SCN8A: variants seen among roughly 807,000 people sequenced by gnomAD.
SCN8A encodes sodium voltage-gated channel alpha subunit 8, also known as sodium channel protein type 8 subunit alpha.
Under a neutral mutation model 184.1 loss-of-function variants are expected in SCN8A, and 30 were observed. The ratio of observed to expected loss-of-function variants is 0.16; its 90% confidence interval spans 0.12 to 0.22. The LOEUF (loss-of-function observed/expected upper bound fraction) is 0.22. Among genes scored for constraint, SCN8A ranks in the 10% least tolerant of loss-of-function variants. The pLI is 1.00. For missense variants in SCN8A, 1,057 were observed against 2,498.9 expected (o/e 0.42, Z 12.30); for synonymous variants, 852 against 907.0 (o/e 0.94, Z 1.09).
chr12:51,636,966 T>G (rs1177426691), intron 1 of SCN8A, among the ~76,000 whole-genome samples: 1 of 152,262 alleles, frequency 6.6e-6, no homozygotes, highest in African/African-American at 2.4e-5. Flanking sequence ...CTGCATTGAT[T>G]GAGCAAGTCT....
At chr12:51,736,295 A>C (rs1942324929) in intron 12 of SCN8A, among the ~76,000 whole-genome samples, 1 of 152,244 alleles carries the variant, frequency 6.6e-6, no homozygotes, top group Non-Finnish European at 1.5e-5. Context: ...ACACGGGCAG[A>C]AGACTCTTCT....
intron 14 of SCN8A, among the ~76,000 whole-genome samples, chr12:51,757,178 C>T (rs1181295128): frequency 6.6e-6 from 1 of 152,214 alleles, no homozygotes; most frequent in Non-Finnish European, 1.5e-5. Context: ...CAGTCCTTGT[C>T]AACAGGTACG....
intron 2 of SCN8A, among the ~76,000 whole-genome samples, chr12:51,680,460 A>C (rs1941311004): frequency 6.6e-6 from 1 of 152,194 alleles, no homozygotes; most frequent in Non-Finnish European, 1.5e-5. Context: ...TCTTCAACCA[A>C]GGTGTAACAG....
At chr12:51,699,204 A>C (rs1485825450) in intron 6 of SCN8A, among the ~76,000 whole-genome samples, 1 of 152,206 alleles carries the variant, frequency 6.6e-6, no homozygotes, top group Non-Finnish European at 1.5e-5. Context: ...ACAAGATAAT[A>C]TAGCAGGGAG....
chr12:51,607,962 C>T (rs1344913021), intron 1 of SCN8A, among the ~76,000 whole-genome samples: 1 of 151,156 alleles, frequency 6.6e-6, no homozygotes, highest in African/African-American at 2.4e-5. Flanking sequence ...AGGGAGGGTT[C>T]CTTCTTTCTC....
At chr12:51,661,661 A>C (rs1940927723) in intron 1 of SCN8A, among the ~76,000 whole-genome samples, 1 of 152,226 alleles carries the variant, frequency 6.6e-6, no homozygotes, top group African/African-American at 2.4e-5. Flanking sequence ...GGTGTTCACA[A>C]AACTAAAGAG....
intron 1 of SCN8A, among the ~76,000 whole-genome samples, chr12:51,655,456 A>C (rs138815034): frequency 9.4e-4 from 143 of 151,622 alleles, no homozygotes; most frequent in African/African-American, 3.4e-3. Flanking sequence ...ATCATGGTTC[A>C]CTGTAGCTTC....
At chr12:51,774,424 C>G in intron 20 of SCN8A, 62 bp downstream of exon 20, 1 of 1,496,836 alleles carries the variant, frequency 6.7e-7, no homozygotes, top group South Asian at 1.4e-5. Flanking sequence ...AGGGGTCTCT[C>G]TTTTTCTAAT....
intron 5 of SCN8A, among the ~76,000 whole-genome samples, 198 bp downstream of exon 5, chr12:51,687,417 A>C (rs375325746): frequency 4.6e-5 from 7 of 151,982 alleles, no homozygotes; most frequent in African/African-American, 7.3e-5. Flanking sequence ...TGATAATGTG[A>C]TTATGTGGGA....
intron 2 of SCN8A, among the ~76,000 whole-genome samples, chr12:51,679,135 A>C (rs2138699160): frequency 6.6e-6 from 1 of 151,928 alleles, no homozygotes; most frequent in East Asian, 1.9e-4. Context: ...AGTGGCTCAC[A>C]GCTATAATCA....
At chr12:51,728,976 T>A (rs1227643179) in intron 12 of SCN8A, among the ~76,000 whole-genome samples, 1 of 152,134 alleles carries the variant, frequency 6.6e-6, no homozygotes, top group Non-Finnish European at 1.5e-5. Flanking sequence ...TCTTTGCCAC[T>A]CCTCTGCCTG....
At chr12:51,631,037 C>A (rs1427880362) in intron 1 of SCN8A, among the ~76,000 whole-genome samples, 1 of 152,176 alleles carries the variant, frequency 6.6e-6, no homozygotes, top group Non-Finnish European at 1.5e-5. Context: ...TCCTGAGGTC[C>A]CATCATCAAG....
At chr12:51,721,106 T>TATATATATATATATATAAAA (rs1179556945) in intron 11 of SCN8A, among the ~76,000 whole-genome samples, 2 of 106,132 alleles carry the variant, frequency 1.9e-5, no homozygotes, top group African/African-American at 7.8e-5. Context: ...TATATATATA[T>TATATATATATATATATAAAA]AATATTTATT....
chr12:51,690,560 A>G (rs1027200117), intron 6 of SCN8A, among the ~76,000 whole-genome samples: 1 of 151,672 alleles, frequency 6.6e-6, no homozygotes, highest in Non-Finnish European at 1.5e-5. Flanking sequence ...GGGTCTCCCT[A>G]TGTGTTGCCC....
chr12:51,799,459 C>T (rs1002618525), intron 26 of SCN8A, among the ~76,000 whole-genome samples: 2 of 152,120 alleles, frequency 1.3e-5, no homozygotes, highest in African/African-American at 4.8e-5. Flanking sequence ...CCTCAAAAGG[C>T]GAGTAGTTAT....
chr12:51,724,331 C>T (rs1026388497), intron 12 of SCN8A, among the ~76,000 whole-genome samples: 3 of 152,026 alleles, frequency 2.0e-5, no homozygotes, highest in Non-Finnish European at 2.9e-5. Flanking sequence ...CCTATAATCT[C>T]GGCTACTTGG....
In SCN8A at chr12:51,612,635, T is replaced by C. The variant is rs114179807; in HGVS notation, c.-55+21276T>C. Among the ~76,000 whole-genome samples the C allele has an allele frequency of 8.8e-3, 1,338 of 152,370 alleles. 19 individuals are homozygous for C. The highest frequency in any genetic ancestry group is 0.031 in the African/African-American group (1,277 of 41,594). On this transcript the variant is annotated intron_variant, in intron 1 of 26. Coordinates refer to ENST00000627620, the MANE Select transcript of SCN8A (RefSeq NM_001330260.2). ...TAGTCTGTTAATATAATGAATTACA[T>C]TGGTTTTCAGATAATGAACCTACTT...
intron 9 of SCN8A, among the ~76,000 whole-genome samples, chr12:51,703,942 G>T (rs1941734932): frequency 6.6e-6 from 1 of 151,458 alleles, no homozygotes; most frequent in Admixed American, 6.6e-5. Flanking sequence ...GTCTCGCTCT[G>T]TCGCCCAGGC....
At chr12:51,667,184 C>T (rs548188574) in intron 2 of SCN8A, among the ~76,000 whole-genome samples, 3 of 152,110 alleles carry the variant, frequency 2.0e-5, no homozygotes, top group Non-Finnish European at 4.4e-5. Context: ...CTGTCTATTT[C>T]CTATCTCCCT....
Sources: allele counts gnomAD v4.1 joint callset (sites outside exome capture counted in the v4.1 genomes callset), GRCh38; gene constraint gnomAD v4.1.1; transcripts MANE v1.5; gene names NCBI Gene and HGNC (gene_info 2026-07-23, HGNC 2026-07-21).